Variants in RAB31 observed in about 807,000 individuals in gnomAD.
The protein encoded by RAB31 is ras-related protein Rab-31.
Under a neutral mutation model 25.6 loss-of-function variants are expected in RAB31, and 21 were observed. That is an observed-to-expected ratio of 0.82 (90% CI 0.58 to 1.18). The LOEUF (loss-of-function observed/expected upper bound fraction) is 1.18. Ranked by LOEUF, RAB31 falls within the 50% of genes most tolerant of loss-of-function variation. RAB31 has a pLI of 0.00. For missense variants in RAB31, 196 were observed against 250.1 expected (o/e 0.78, Z 1.46); for synonymous variants, 87 against 84.0 (o/e 1.04, Z -0.20).
chr18:9,724,723 G>T (rs1158327496), intron 1 of RAB31, among the ~76,000 whole-genome samples: 4 of 152,194 alleles, frequency 2.6e-5, no homozygotes, highest in Admixed American at 2.6e-4. Context: ...ATGTCATTAT[G>T]CAGATGAGCT....
intron 1 of RAB31, among the ~76,000 whole-genome samples, chr18:9,765,304 T>C (rs982714806): frequency 1.3e-5 from 2 of 152,226 alleles, no homozygotes; most frequent in African/African-American, 2.4e-5. Context: ...TTTTGTGTTA[T>C]GGTTTTCTCA....
At chr18:9,783,764 C>T (rs2068417664) in intron 2 of RAB31, among the ~76,000 whole-genome samples, 1 of 152,130 alleles carries the variant, frequency 6.6e-6, no homozygotes, top group Non-Finnish European at 1.5e-5. Context: ...GGGCCAAGGT[C>T]ATGAACTTGA....
chr18:9,858,435 C>T (rs886350585), intron 6 of RAB31, among the ~76,000 whole-genome samples: 6 of 152,100 alleles, frequency 3.9e-5, no homozygotes, highest in East Asian at 1.9e-4. Context: ...ATGTACAATT[C>T]GGTGGTGTTG....
intron 1 of RAB31, among the ~76,000 whole-genome samples, chr18:9,727,728 C>T (rs1470965900): frequency 2.0e-5 from 3 of 152,188 alleles, no homozygotes; most frequent in Non-Finnish European, 4.4e-5. Flanking sequence ...ATGAACAAAA[C>T]CTTTCTATGA....
chr18:9,775,155 C>A (rs2068365313), intron 1 of RAB31, 123 bp from the exon 2 acceptor site: 3 of 1,493,210 alleles, frequency 2.0e-6, no homozygotes, highest in Non-Finnish European at 2.7e-6. Context: ...CCCACTCCCT[C>A]TCCCAGTCTC....
At chr18:9,842,229 C>T (rs1414838669) in intron 5 of RAB31, among the ~76,000 whole-genome samples, 2 of 152,126 alleles carry the variant, frequency 1.3e-5, no homozygotes, top group African/African-American at 4.8e-5. Context: ...ACTTAGATGA[C>T]TAATGAAGAT....
At chr18:9,747,509 T>A (rs764328969) in intron 1 of RAB31, among the ~76,000 whole-genome samples, 7 of 152,178 alleles carry the variant, frequency 4.6e-5, no homozygotes, top group Non-Finnish European at 8.8e-5. Flanking sequence ...AAACATACAA[T>A]GAAAAATTAT....
intron 6 of RAB31, chr18:9,856,044 G>A (rs1017941039): frequency 6.6e-6 from 1 of 152,254 alleles, no homozygotes; most frequent in African/African-American, 2.4e-5. Flanking sequence ...TCATTGAACT[G>A]GAATGCTGAC....
chr18:9,839,153 G>A (rs2068719708), intron 5 of RAB31, among the ~76,000 whole-genome samples: 1 of 152,218 alleles, frequency 6.6e-6, no homozygotes, highest in Non-Finnish European at 1.5e-5. Flanking sequence ...GAGTATGACA[G>A]GAAGAGGGGA....
chr18:9,731,913 A>G (rs1156869714), intron 1 of RAB31, among the ~76,000 whole-genome samples: 1 of 152,174 alleles, frequency 6.6e-6, no homozygotes, highest in Non-Finnish European at 1.5e-5. Context: ...CTTTTTATCT[A>G]TGATAATAAG....
intron 1 of RAB31, chr18:9,723,852 C>T (rs148559517): frequency 6.6e-6 from 1 of 152,312 alleles, no homozygotes; most frequent in Non-Finnish European, 1.5e-5. Flanking sequence ...CATAATGATC[C>T]ATCCCTATAA....
chr18:9,748,277 G>A lies in RAB31; in HGVS notation c.40-27001G>A, dbSNP rs552428321. Among the ~76,000 whole-genome samples, 6 of 152,146 alleles carry A rather than the reference G, an allele frequency of 3.9e-5. No individual in the cohort carries two copies. The South Asian group carries it at 6.2e-4, about 16-fold the overall frequency. On this transcript the variant is annotated intron_variant, in intron 1 of 6. Transcript: ENST00000578921. ...CTTGGGAGGCCGAAGCAGGAGGATCGCTTGAGCACAGGAGTTGGAGACCAG... is the reference window on the plus strand; with the variant it reads ...CTTGGGAGGCCGAAGCAGGAGGATCACTTGAGCACAGGAGTTGGAGACCAG...
At chr18:9,819,594 C>A (rs1261801214) in intron 5 of RAB31, among the ~76,000 whole-genome samples, 1 of 152,092 alleles carries the variant, frequency 6.6e-6, no homozygotes, top group Non-Finnish European at 1.5e-5. Flanking sequence ...TTCTTAATTT[C>A]TGAAAAACAA....
At chr18:9,841,583 T>A (rs1411748533) in intron 5 of RAB31, among the ~76,000 whole-genome samples, 2 of 150,558 alleles carry the variant, frequency 1.3e-5, no homozygotes, top group East Asian at 2.0e-4. Flanking sequence ...TATTCATGAT[T>A]CTAGAACTGG....
chr18:9,750,390 A>G (rs1166526837), intron 1 of RAB31, among the ~76,000 whole-genome samples: 3 of 152,208 alleles, frequency 2.0e-5, no homozygotes, highest in Non-Finnish European at 4.4e-5. Flanking sequence ...ATTTAGATCC[A>G]TTTAGCAGAA....
intron 5 of RAB31, among the ~76,000 whole-genome samples, chr18:9,842,357 G>A (rs370807703): frequency 3.3e-5 from 5 of 152,218 alleles, no homozygotes; most frequent in African/African-American, 1.2e-4. Context: ...GATGGTCTAG[G>A]GCCACACGCT....
chr18:9,760,546 A>T (rs1256161742), intron 1 of RAB31, among the ~76,000 whole-genome samples: 1 of 152,036 alleles, frequency 6.6e-6, no homozygotes, highest in South Asian at 2.1e-4. Flanking sequence ...TCTTCCCTGC[A>T]TTTCAAATAG....
chr18:9,810,656 T>C (rs2068565743), intron 3 of RAB31, among the ~76,000 whole-genome samples: 1 of 152,252 alleles, frequency 6.6e-6, no homozygotes, highest in Non-Finnish European at 1.5e-5. Context: ...GCTTCAATAA[T>C]TCATGAGACC....
rs1362423657 is a variant in RAB31, at chr18:9,861,882, G to A, written c.*2557G>A. The A allele has an allele frequency of 1.3e-5, 2 of 152,572 alleles. No homozygotes were observed. The highest frequency in any genetic ancestry group is 1.3e-4 in the Admixed American group (2 of 15,278). The allele number at this position is 152,572 out of a possible 1,614,324, so 9.5% of individuals were successfully genotyped here. A position where few individuals can be genotyped will look rare whatever the true frequency, so the allele number is the denominator to read the frequency against. On this transcript the variant is annotated 3_prime_UTR_variant, in exon 7 of 7. Transcript: ENST00000578921. ...CATGTGTTAATATAAAGTAGGCATGGCTTCCCAATGGAAATCTCTGAGAAT... is the reference window on the plus strand; with the variant it reads ...CATGTGTTAATATAAAGTAGGCATGACTTCCCAATGGAAATCTCTGAGAAT...
Sources: gnomAD v4.1 joint callset for allele counts (sites outside exome capture counted in the v4.1 genomes callset) on GRCh38, gnomAD v4.1.1 for gene constraint, MANE v1.5 for transcripts, NCBI Gene and HGNC (gene_info 2026-07-23, HGNC 2026-07-21) for gene names.